Variants in ATP8A2 observed in about 807,000 individuals in gnomAD.
ATP8A2 encodes the protein phospholipid-transporting ATPase IB.
A neutral mutation model predicts 165.6 loss-of-function variants in ATP8A2; 100 were observed. That is an observed-to-expected ratio of 0.60 (90% CI 0.51 to 0.71). ATP8A2 has a LOEUF of 0.71. Among genes scored for constraint, ATP8A2 ranks in the 30% least tolerant of loss-of-function variants. The pLI is 0.00. For missense variants in ATP8A2, 1,227 were observed against 1,479.5 expected (o/e 0.83, Z 2.80); for synonymous variants, 543 against 548.8 (o/e 0.99, Z 0.15).
chr13:25,787,154 C>T (rs768260404), intron 27 of ATP8A2, among the ~76,000 whole-genome samples: 1 of 152,198 alleles, frequency 6.6e-6, no homozygotes, highest in Non-Finnish European at 1.5e-5. Flanking sequence ...TCCTACTACA[C>T]CCAGATAAGA....
intron 35 of ATP8A2, among the ~76,000 whole-genome samples, chr13:25,977,035 A>ACCCCCCCCCCCCCCCCCC (rs1956061270): frequency 1.6e-5 from 1 of 61,142 alleles, no homozygotes; most frequent in Non-Finnish European, 3.3e-5. Flanking sequence ...ATCCACCCCC[A>ACCCCCCCCCCCCCCCCCC]CCCCCACCCC....
At chr13:25,519,343 A>AT (rs2037584019) in intron 2 of ATP8A2, among the ~76,000 whole-genome samples, 1 of 151,944 alleles carries the variant, frequency 6.6e-6, no homozygotes, top group African/African-American at 2.4e-5. Flanking sequence ...CCCCTGCAGT[A>AT]TTCATCACGA....
rs75141733 is a variant in ATP8A2 at position 25,577,865 on chromosome 13, A to G, written c.1782+727A>G. ...GTTGACAGTATTACTAATCTTTACC[A>G]GTTGTGGCAAGAAGGGTGGTTTTAT... On this transcript the variant is annotated intron_variant, in intron 20 of 36. Transcript: ENST00000381655. Among the ~76,000 whole-genome samples the G allele has an allele frequency of 5.3e-3, 801 of 152,330 alleles. 7 individuals carry two copies. The highest frequency in any genetic ancestry group is 0.018 in the African/African-American group (766 of 41,564).
intron 36 of ATP8A2, among the ~76,000 whole-genome samples, chr13:26,017,144 G>C (rs183006352): frequency 6.6e-6 from 1 of 152,310 alleles, no homozygotes; most frequent in East Asian, 1.9e-4. Flanking sequence ...TTATAAAAGA[G>C]TATGTCCCAT....
intron 1 of ATP8A2, among the ~76,000 whole-genome samples, chr13:25,453,195 C>G (rs944139680): frequency 6.6e-6 from 1 of 151,720 alleles, no homozygotes; most frequent in Non-Finnish European, 1.5e-5. Context: ...GGTATGATCT[C>G]GGCTCACTGC....
intron 24 of ATP8A2, among the ~76,000 whole-genome samples, chr13:25,610,289 G>T (rs867214067): frequency 5.3e-4 from 80 of 152,204 alleles, no homozygotes; most frequent in African/African-American, 1.8e-3. Flanking sequence ...GTTGATTTTT[G>T]TATAAGGTGA....
chr13:25,372,677 A>G lies in ATP8A2; in HGVS notation c.76+389A>G, dbSNP rs2032458749. ...GGCACGGTTTGGCGGCGCAGAGAAG[A>G]TGCAGCCTTCCCTGCCGGCGGCCGG... On this transcript the variant is annotated intron_variant, in intron 1 of 36. Transcript: ENST00000381655. The surrounding 1 kb of genome is among the most constrained non-coding windows in gnomAD (Gnocchi z 4.8). Among the ~76,000 whole-genome samples, 1 of 152,158 alleles carries G rather than the reference A, an allele frequency of 6.6e-6. No homozygotes were observed. Among genetic ancestry groups the G allele is most frequent in the Admixed American group, 6.5e-5 (1 of 15,292 alleles).
At chr13:25,665,236 A>G (rs2042127380) in intron 24 of ATP8A2, among the ~76,000 whole-genome samples, 1 of 152,146 alleles carries the variant, frequency 6.6e-6, no homozygotes, top group Non-Finnish European at 1.5e-5. Flanking sequence ...AGTTGATAGG[A>G]TTATATCAAC....
At chr13:25,468,310 T>TG (rs2035726965) in intron 1 of ATP8A2, among the ~76,000 whole-genome samples, 1 of 152,164 alleles carries the variant, frequency 6.6e-6, no homozygotes, top group African/African-American at 2.4e-5. Context: ...GAGCTGGGGT[T>TG]GGGACAGCTA....
rs2039241085 is a variant in ATP8A2 at position 25,564,041 on chromosome 13, C to A, written c.1473+10C>A. ...CATTGAGGATCGCCATGTAAGTGCTCTGTTTTACTTCGAAGACAGCAAACA... is the reference window on the plus strand; with the variant it reads ...CATTGAGGATCGCCATGTAAGTGCTATGTTTTACTTCGAAGACAGCAAACA... On this transcript the variant is annotated intron_variant, in intron 16 of 36. Transcript: ENST00000381655. The A allele has an allele frequency of 6.2e-7, 1 of 1,601,418 alleles. No individual in the cohort carries two copies. Among genetic ancestry groups the A allele is most frequent in the Non-Finnish European group, 8.6e-7 (1 of 1,168,418 alleles).
chr13:25,724,011 C>A (rs2043440844), intron 25 of ATP8A2, among the ~76,000 whole-genome samples: 1 of 152,060 alleles, frequency 6.6e-6, no homozygotes, highest in Non-Finnish European at 1.5e-5. Context: ...TGGGAGTGGC[C>A]CCCAAATGGC....
At chr13:25,803,536 C>T (rs1263545100) in intron 27 of ATP8A2, among the ~76,000 whole-genome samples, 4 of 152,136 alleles carry the variant, frequency 2.6e-5, no homozygotes, top group African/African-American at 9.7e-5. Context: ...TATTTACCTC[C>T]AGCCATATAA....
At chr13:25,647,063 A>G (rs1009802091) in intron 24 of ATP8A2, among the ~76,000 whole-genome samples, 6 of 152,178 alleles carry the variant, frequency 3.9e-5, no homozygotes, top group African/African-American at 1.4e-4. Context: ...ATTTTGTAAT[A>G]TGTATTCCTT....
chr13:25,919,475 A>G (rs1205071620), intron 33 of ATP8A2, among the ~76,000 whole-genome samples: 1 of 152,076 alleles, frequency 6.6e-6, no homozygotes, highest in East Asian at 1.9e-4. Flanking sequence ...TCTGCTGAGG[A>G]GGGCTGTCTG....
At chr13:25,560,617 T>C (rs1303159397) in intron 15 of ATP8A2, among the ~76,000 whole-genome samples, 1 of 144,124 alleles carries the variant, frequency 6.9e-6, no homozygotes, top group Non-Finnish European at 1.5e-5. Flanking sequence ...GGAGAATCAG[T>C]TGAACCCAGG....
chr13:25,612,760 G>T (rs1161452917), intron 24 of ATP8A2, among the ~76,000 whole-genome samples: 1 of 152,044 alleles, frequency 6.6e-6, no homozygotes, highest in African/African-American at 2.4e-5. Flanking sequence ...TTATTGTGTT[G>T]CCATCTATCT....
intron 2 of ATP8A2, among the ~76,000 whole-genome samples, chr13:25,513,690 T>A (rs1255375592): frequency 1.3e-5 from 2 of 151,856 alleles, no homozygotes; most frequent in South Asian, 2.1e-4. Context: ...TGAACCAGAC[T>A]CCGTCTGCAA....
At chr13:26,019,829 C>G in intron 36 of ATP8A2, 59 bp from the exon 37 acceptor site, 1 of 1,261,228 alleles carries the variant, frequency 7.9e-7, no homozygotes, top group Admixed American at 1.7e-5. Context: ...TTATTTTAAA[C>G]CTAGTGTGCT....
intron 2 of ATP8A2, among the ~76,000 whole-genome samples, chr13:25,480,103 G>C (rs1376207874): frequency 6.7e-6 from 1 of 150,256 alleles, no homozygotes; most frequent in Non-Finnish European, 1.5e-5. Flanking sequence ...CGGACGGGGC[G>C]GCTGGCCGGG....
Sources: gnomAD v4.1 joint callset for allele counts (sites outside exome capture counted in the v4.1 genomes callset) on GRCh38, gnomAD v4.1.1 for gene constraint, Gnocchi (gnomAD v3.1) non-coding constraint, MANE v1.5 for transcripts, NCBI Gene and HGNC (gene_info 2026-07-23, HGNC 2026-07-21) for gene names.